FAM124A: variants seen among roughly 807,000 people sequenced by gnomAD.
FAM124A encodes protein FAM124A.
In FAM124A, 23 loss-of-function variants were observed where a neutral mutation model predicts 24.5. That is an observed-to-expected ratio of 0.94 (90% confidence interval 0.68 to 1.33). The LOEUF (loss-of-function observed/expected upper bound fraction) is 1.33. Among genes scored for constraint, FAM124A ranks in the 40% most tolerant of loss-of-function variants. The pLI is 0.00. For synonymous variants in FAM124A, 287 were observed against 314.7 expected (o/e 0.91, Z 0.93); for missense variants, 623 against 722.8 (o/e 0.86, Z 1.58).
chr13:51,264,598 G>T (rs1370989469), intron 3 of FAM124A, among the ~76,000 whole-genome samples: 1 of 151,782 alleles, frequency 6.6e-6, no homozygotes, highest in Non-Finnish European at 1.5e-5. Flanking sequence ...AATAGCCACT[G>T]CACTCCAGCC....
At chr13:51,225,976 C>CTTTTTTTTTT (rs780570797) in intron 1 of FAM124A, among the ~76,000 whole-genome samples, 13 of 67,566 alleles carry the variant, frequency 1.9e-4, no homozygotes, top group African/African-American at 6.7e-4. Flanking sequence ...TGCTTGCTTT[C>CTTTTTTTTTT]TTTTTTTTTT....
chr13:51,281,168 C>G lies in FAM124A; in HGVS notation c.1553C>G (p.Pro518Arg), dbSNP rs183181635. 4.3e-6 allele frequency: 7 copies of G among 1,613,662 alleles called. No individual in the cohort carries two copies. Among genetic ancestry groups the G allele is most frequent in the Admixed American group, 1.7e-5 (1 of 59,998 alleles). ...DSSPQLPCDT[P>R]KVKQTDGDMP... ...TCCCCACAGCTCCCATGCGATACCCCCAAAGTCAAGCAGACTGATGGAGAC... is the reference window on the plus strand; with the variant it reads ...TCCCCACAGCTCCCATGCGATACCCGCAAAGTCAAGCAGACTGATGGAGAC... The change falls in exon 4 of 4, where the codon CCC (proline) becomes CGC (arginine). Residue 518 changes from proline (P) to arginine (R), a missense_variant. Transcript: ENST00000322475.
chr13:51,222,878 C>CT (rs1052932495), intron 1 of FAM124A, among the ~76,000 whole-genome samples: 6 of 152,230 alleles, frequency 3.9e-5, no homozygotes, highest in African/African-American at 1.4e-4. Context: ...TGCTCTTGCA[C>CT]TTGTTTCCTC....
At chr13:51,274,774 T>C (rs941095843) in intron 3 of FAM124A, among the ~76,000 whole-genome samples, 3 of 152,238 alleles carry the variant, frequency 2.0e-5, no homozygotes, top group Non-Finnish European at 2.9e-5. Flanking sequence ...GAGTGCTTGC[T>C]ATGTACAAAA....
intron 1 of FAM124A, among the ~76,000 whole-genome samples, chr13:51,222,924 C>T (rs555539796): frequency 6.6e-6 from 1 of 152,310 alleles, no homozygotes; most frequent in Admixed American, 6.5e-5. Context: ...GCTCCGGAGC[C>T]CCCTGGAGTC....
intron 1 of FAM124A, 139 bp downstream of exon 1, chr13:51,222,708 C>A: frequency 1.1e-6 from 1 of 875,464 alleles, no homozygotes; most frequent in Non-Finnish European, 1.5e-6. Context: ...CCCCCGCTCT[C>A]TCCTGGGCGG....
chr13:51,225,223 T>A (rs1954304259), intron 1 of FAM124A: 1 of 152,186 alleles, frequency 6.6e-6, no homozygotes, highest in Non-Finnish European at 1.5e-5. Context: ...GACATCCAAG[T>A]AAAGATGATG....
intron 3 of FAM124A, among the ~76,000 whole-genome samples, chr13:51,273,694 T>A (rs535932218): frequency 1.3e-5 from 2 of 152,358 alleles, no homozygotes; most frequent in South Asian, 4.1e-4. Flanking sequence ...GAAGAAATTA[T>A]CTGGATAATT....
rs1053544243 is a variant in FAM124A, at chr13:51,280,789, G to C, written c.1174G>C (p.Ala392Pro). 2 of 1,614,190 alleles carry C rather than the reference G, an allele frequency of 1.2e-6. No individual in the cohort carries two copies. Among genetic ancestry groups the C allele is most frequent in the African/African-American group, 1.3e-5 (1 of 75,074 alleles). The change falls in exon 4 of 4, where the codon GCA becomes CCA. Residue 392 changes from alanine (A) to proline (P), a missense_variant. Physicochemically the swap from Ala to Pro is conservative, Grantham distance 27. Transcript: ENST00000322475. Reference sequence around the variant, plus strand: ...AAACACAGGTGCCCCAGGGCACAGGGCATCAGAGTGGAGGCATGGCCACCT... The same window carrying C: ...AAACACAGGTGCCCCAGGGCACAGGCCATCAGAGTGGAGGCATGGCCACCT... ...FSNTGAPGHRASEWRHGHLLS... is the reference protein window; with the variant it reads ...FSNTGAPGHRPSEWRHGHLLS...
At chr13:51,269,045 G>C (rs1566173693) in intron 3 of FAM124A, among the ~76,000 whole-genome samples, 2 of 152,188 alleles carry the variant, frequency 1.3e-5, no homozygotes, top group African/African-American at 2.4e-5. Flanking sequence ...AGAGAGGATG[G>C]GCCATGTGCA....
rs190575449 is a variant in FAM124A, at chr13:51,269,636, G to C, written c.835-10814G>C. On this transcript the variant is annotated intron_variant, in intron 3 of 3. Transcript: ENST00000322475. ...CATTAAATGTATAAATGAAGTTTAAGATGTTAAAGGAAATTAAGCTACAAA... is the reference window on the plus strand; with the variant it reads ...CATTAAATGTATAAATGAAGTTTAACATGTTAAAGGAAATTAAGCTACAAA... Among the ~76,000 whole-genome samples, 301 of 152,264 alleles carry C rather than the reference G, an allele frequency of 2.0e-3. 5 individuals are homozygous for C. Among genetic ancestry groups the C allele is most frequent in the African/African-American group, 7.1e-3 (296 of 41,566 alleles).
In FAM124A at chr13:51,258,050, C is replaced by T. The variant is rs1362623917; in HGVS notation, c.834+5849C>T. 6.6e-6 allele frequency among the ~76,000 whole-genome samples: 1 copy of T among 152,218 alleles called. No individual in the cohort carries two copies. The highest frequency in any genetic ancestry group is 1.5e-5 in the Non-Finnish European group (1 of 68,048). On this transcript the variant is annotated intron_variant, in intron 3 of 3. Coordinates refer to ENST00000322475, the MANE Select transcript of FAM124A (RefSeq NM_001242312.2). This position sits in a 1 kb window ranked among gnomAD's most constrained non-coding sequence, Gnocchi z 4.2. ...GAAGAATCTGTTCCATTCCTCTCCC[C>T]AGCCTGCTGTTGCACTGGCCTTCTT...
At position 51,281,284 on chromosome 13, in the gene FAM124A, C is replaced by G; in HGVS notation, c.*28C>G. ...GCCCTCTGCTCTTGTTCTCGAAACA[C>G]ACAAACTCAGAGACACAGACTCAGG... On this transcript the variant is annotated 3_prime_UTR_variant, in exon 4 of 4. Coordinates refer to ENST00000322475, the MANE Select transcript of FAM124A (RefSeq NM_001242312.2). 1 of 1,526,226 alleles carries G rather than the reference C, an allele frequency of 6.6e-7. No homozygotes were observed. Among genetic ancestry groups the G allele is most frequent in the Non-Finnish European group, 8.8e-7 (1 of 1,141,376 alleles). 94.5% of individuals were successfully genotyped at this position (1,526,226 alleles called of 1,614,324 possible).
intron 3 of FAM124A, chr13:51,252,505 C>T: frequency 2.3e-6 from 1 of 436,398 alleles, no homozygotes; most frequent in Admixed American, 3.8e-5. Flanking sequence ...CTGGGGATTT[C>T]AAATGAGCTT....
chr13:51,265,387 G>T (rs1197785706), intron 3 of FAM124A, among the ~76,000 whole-genome samples: 1 of 151,698 alleles, frequency 6.6e-6, no homozygotes, highest in African/African-American at 2.4e-5. Context: ...TCTAGTGAGA[G>T]CTGAGCAGCT....
intron 3 of FAM124A, among the ~76,000 whole-genome samples, chr13:51,279,356 T>C (rs1205740435): frequency 6.6e-6 from 1 of 152,196 alleles, no homozygotes; most frequent in Non-Finnish European, 1.5e-5. Flanking sequence ...GGGGTGACTC[T>C]CCATTCCTGC....
intron 3 of FAM124A, among the ~76,000 whole-genome samples, chr13:51,255,497 T>C (rs1188291483): frequency 6.6e-6 from 1 of 152,186 alleles, no homozygotes; most frequent in East Asian, 1.9e-4. Flanking sequence ...AAAGTTGACT[T>C]TGAGTTCTTG....
chr13:51,233,797 A>G (rs1207922187), intron 2 of FAM124A, among the ~76,000 whole-genome samples: 1 of 152,250 alleles, frequency 6.6e-6, no homozygotes, highest in East Asian at 1.9e-4. Context: ...ATAAGAAAAA[A>G]AAATATTTCC....
At chr13:51,224,590 T>C in intron 1 of FAM124A, among the ~76,000 whole-genome samples, 1 of 152,226 alleles carries the variant, frequency 6.6e-6, no homozygotes, top group East Asian at 1.9e-4. Flanking sequence ...AGCCCTTGAA[T>C]TTCAGTTATC....
Sources: allele counts gnomAD v4.1 joint callset (sites outside exome capture counted in the v4.1 genomes callset), GRCh38; gene constraint gnomAD v4.1.1; non-coding constraint Gnocchi (gnomAD v3.1); transcripts MANE v1.5; gene names NCBI Gene and HGNC (gene_info 2026-07-23, HGNC 2026-07-21).